The following SLC2A9 variants were observed in gnomAD, a reference collection of about 807,000 sequenced individuals.
SLC2A9 encodes the protein solute carrier family 2 member 9, also known as solute carrier family 2, facilitated glucose transporter member 9.
In SLC2A9, 39 loss-of-function variants were observed where a neutral mutation model predicts 50.6. The observed-to-expected ratio is 0.77, with a 90% CI of 0.60 to 1.01. SLC2A9 has a LOEUF of 1.01. Among genes scored for constraint, SLC2A9 ranks in the 50% least tolerant of loss-of-function variants. The pLI is 0.00. For missense variants in SLC2A9, 686 were observed against 677.6 expected (o/e 1.01, Z -0.14); for synonymous variants, 324 against 276.9 (o/e 1.17, Z -1.69).
At chr4:9,802,863 T>C (rs1172448302) in intron 3 of SLC2A9, among the ~76,000 whole-genome samples, 7 of 152,178 alleles carry the variant, frequency 4.6e-5, no homozygotes, top group African/African-American at 1.7e-4. Context: ...AGCGCCCGGC[T>C]GGGTAAAGAG....
intron 5 of SLC2A9, among the ~76,000 whole-genome samples, chr4:9,975,637 C>T (rs974379632): frequency 2.6e-5 from 4 of 151,792 alleles, no homozygotes; most frequent in African/African-American, 7.3e-5. Flanking sequence ...AAAGGGAACA[C>T]TTATGCACTG....
chr4:9,794,428 C>T (rs1304872462), downstream of SLC2A9, among the ~76,000 whole-genome samples: 1 of 152,204 alleles, frequency 6.6e-6, no homozygotes, highest in Non-Finnish European at 1.5e-5. Context: ...GCTGGGATTA[C>T]AGGTGGAAGC....
intron 3 of SLC2A9, among the ~76,000 whole-genome samples, chr4:9,806,857 C>T (rs572738991): frequency 5.3e-5 from 8 of 152,312 alleles, no homozygotes; most frequent in Admixed American, 6.5e-5. Context: ...TATGCTTGAA[C>T]TCAAAATAGC....
At chr4:10,001,517 G>T (rs144645524) in intron 2 of SLC2A9, among the ~76,000 whole-genome samples, 2 of 152,310 alleles carry the variant, frequency 1.3e-5, no homozygotes, top group African/African-American at 4.8e-5. Context: ...AGTTCTTTCA[G>T]TCACTCAGTC....
At chr4:9,833,127 TA>T (rs1218737767) in intron 11 of SLC2A9, among the ~76,000 whole-genome samples, 1 of 152,182 alleles carries the variant, frequency 6.6e-6, no homozygotes, top group African/African-American at 2.4e-5. Flanking sequence ...AGCCAAACTG[TA>T]AAAAGCCACT....
intron 7 of SLC2A9, among the ~76,000 whole-genome samples, chr4:9,914,583 G>A (rs1742510710): frequency 2.0e-5 from 3 of 152,168 alleles, no homozygotes; most frequent in Admixed American, 2.0e-4. Context: ...TCTGGTCCCT[G>A]GTGGTTGAAT....
At position 9,883,738 on chromosome 4, in the gene SLC2A9, T is replaced by C. The variant is rs372712036; in HGVS notation, c.1291+3829A>G. Among the ~76,000 whole-genome samples, 22 of 152,326 alleles carry C rather than the reference T, an allele frequency of 1.4e-4. No homozygotes were observed. The East Asian group carries it at 3.9e-3, about 27-fold the overall frequency. ...GTTCAGCACCTCCCAGTCCACATCT[T>C]ACAGCTTAGTGCCTACTCAGCCCCT... On this transcript the variant is annotated intron_variant, in intron 10 of 11. Transcript: ENST00000264784.
At chr4:9,942,711 G>A (rs1252230230) in intron 5 of SLC2A9, among the ~76,000 whole-genome samples, 2 of 152,234 alleles carry the variant, frequency 1.3e-5, no homozygotes, top group Non-Finnish European at 1.5e-5. Context: ...ATCCCCTGCA[G>A]TGCAGCTTAA....
chr4:9,984,774 C>G (rs1383138532), intron 4 of SLC2A9, among the ~76,000 whole-genome samples: 1 of 152,208 alleles, frequency 6.6e-6, no homozygotes, highest in African/African-American at 2.4e-5. Context: ...GAACAGCTGG[C>G]TCCTCTGATT....
chr4:9,782,382 C>T, intron 3 of SLC2A9: 3 of 1,614,024 alleles, frequency 1.9e-6, no homozygotes. Context: ...GTCTGGGTGG[C>T]CTTCGACATC....
intron 3 of SLC2A9, among the ~76,000 whole-genome samples, chr4:9,799,512 C>T (rs1370774641): frequency 2.0e-5 from 3 of 152,024 alleles, no homozygotes; most frequent in Non-Finnish European, 4.4e-5. Context: ...CCTTAATCAG[C>T]TCCTAAAGGC....
At chr4:10,001,833 C>A (rs968458392) in intron 2 of SLC2A9, among the ~76,000 whole-genome samples, 9 of 152,216 alleles carry the variant, frequency 5.9e-5, no homozygotes, top group African/African-American at 1.9e-4. Flanking sequence ...AAGCCCTCTT[C>A]CCGCCTGGGA....
chr4:9,936,334 T>C (rs956274857), intron 6 of SLC2A9, among the ~76,000 whole-genome samples: 2 of 152,098 alleles, frequency 1.3e-5, no homozygotes, highest in African/African-American at 2.4e-5. Flanking sequence ...AACTGAGCCT[T>C]TGAGATAACG....
chr4:9,912,230 T>C (rs914109727), intron 7 of SLC2A9, among the ~76,000 whole-genome samples: 1 of 152,074 alleles, frequency 6.6e-6, no homozygotes, highest in Non-Finnish European at 1.5e-5. Flanking sequence ...ACATGGCACA[T>C]GTATACATAT....
intron 10 of SLC2A9, among the ~76,000 whole-genome samples, chr4:9,842,365 G>A (rs2109227966): frequency 6.6e-6 from 1 of 152,338 alleles, no homozygotes; most frequent in South Asian, 2.1e-4. Context: ...ATTTTGCCAA[G>A]AGAGTGCCTT....
At chr4:9,824,316 A>G (rs1250024286), downstream of SLC2A9, among the ~76,000 whole-genome samples, 1 of 152,220 alleles carries the variant, frequency 6.6e-6, no homozygotes, top group African/African-American at 2.4e-5. Context: ...CAGTAAAAAA[A>G]AAAAAAAGTT....
intron 6 of SLC2A9, among the ~76,000 whole-genome samples, chr4:9,940,180 T>C (rs1278362183): frequency 3.9e-5 from 6 of 152,216 alleles, no homozygotes; most frequent in Admixed American, 3.3e-4. Context: ...CTTCCAATAA[T>C]GCACAGCCCA....
chr4:9,994,916 G>A (rs1758369957), intron 3 of SLC2A9, among the ~76,000 whole-genome samples: 1 of 152,162 alleles, frequency 6.6e-6, no homozygotes, highest in African/African-American at 2.4e-5. Context: ...GCAGGGTCTG[G>A]CTTGGGCAGG....
chr4:9,816,264 C>T (rs1577372797), intron 3 of SLC2A9, among the ~76,000 whole-genome samples: 6 of 152,278 alleles, frequency 3.9e-5, no homozygotes, highest in Admixed American at 3.9e-4. Context: ...CACTCATTAC[C>T]TGCTCTGGAG....
Sources: allele counts gnomAD v4.1 joint callset (sites outside exome capture counted in the v4.1 genomes callset), GRCh38; gene constraint gnomAD v4.1.1; transcripts MANE v1.5; gene names NCBI Gene and HGNC (gene_info 2026-07-23, HGNC 2026-07-21).